Variants in MYO1E observed in about 807,000 individuals in gnomAD.
The protein encoded by MYO1E is unconventional myosin-Ie.
Under a neutral mutation model 151.1 loss-of-function variants are expected in MYO1E, and 68 were observed. The observed-to-expected ratio is 0.45, with a 90% CI of 0.37 to 0.55. The LOEUF is 0.55. MYO1E is among the 20% of genes least tolerant of loss of function. MYO1E has a pLI of 0.00. For synonymous variants in MYO1E, 601 were observed against 501.7 expected (o/e 1.20, Z -2.64); for missense variants, 1,363 against 1,389.3 (o/e 0.98, Z 0.30).
chr15:59,206,963 TG>T (rs771944358), intron 14 of MYO1E: 2 of 1,613,894 alleles, frequency 1.2e-6, no homozygotes, highest in Non-Finnish European at 1.7e-6. Flanking sequence ...GTGCCTGTTG[TG>T]CGGGCCAGCC....
chr15:59,247,712 G>A (rs1410360217), intron 4 of MYO1E, among the ~76,000 whole-genome samples: 2 of 152,142 alleles, frequency 1.3e-5, no homozygotes, highest in South Asian at 2.1e-4. Flanking sequence ...AATGCTCCAA[G>A]GCCACCACAA....
At chr15:59,234,237 GATGGATGGGTGC>G (rs56410803) in intron 5 of MYO1E, among the ~76,000 whole-genome samples, 5,462 of 141,586 alleles carry the variant, frequency 0.039, 134 homozygotes, top group African/African-American at 0.083. Flanking sequence ...TGGATGGATG[GATGGATGGGTGC>G]ATGGATGGAT....
chr15:59,217,513 T>C (rs1304811679), intron 10 of MYO1E, among the ~76,000 whole-genome samples: 1 of 80,706 alleles, frequency 1.2e-5, no homozygotes, highest in Non-Finnish European at 2.7e-5. Context: ...CCCTCAGTCG[T>C]TTTACCTTTT....
At chr15:59,205,222 G>C (rs1158788646) in intron 15 of MYO1E, among the ~76,000 whole-genome samples, 178 bp downstream of exon 15, 1 of 152,130 alleles carries the variant, frequency 6.6e-6, no homozygotes, top group East Asian at 1.9e-4. Flanking sequence ...CTATTGACAG[G>C]AGTGATCACA....
intron 16 of MYO1E, among the ~76,000 whole-genome samples, chr15:59,201,380 C>G (rs1190966252): frequency 6.6e-6 from 1 of 151,582 alleles, no homozygotes; most frequent in African/African-American, 2.4e-5. Context: ...AGGCCAGAGC[C>G]ACTACATCTG....
intron 4 of MYO1E, among the ~76,000 whole-genome samples, chr15:59,244,501 G>A (rs1445111972): frequency 1.3e-5 from 2 of 152,256 alleles, no homozygotes; most frequent in South Asian, 4.1e-4. Context: ...GGGGTCACAC[G>A]CCTTAGACAG....
Position 59,369,963 on chromosome 15 carries a change from TTTC to T in MYO1E, c.3+2532_3+2534del, listed in dbSNP as rs373650655. Among the ~76,000 whole-genome samples the T allele has an allele frequency of 7.1e-3, 1,076 of 151,604 alleles. 9 individuals are homozygous for T. Among genetic ancestry groups the T allele is most frequent in the African/African-American group, 0.022 (925 of 41,292 alleles). On this transcript the variant is annotated intron_variant, in intron 1 of 27. Coordinates refer to ENST00000288235, the MANE Select transcript of MYO1E (RefSeq NM_004998.4). ...CTATAGCCCAGCCAAGGGCCTTCTT[TTTC>T]TTCTTCTTCTTCTTAATATTTTTTA...
chr15:59,287,073 C>G (rs1032124682), intron 1 of MYO1E, among the ~76,000 whole-genome samples: 2 of 151,660 alleles, frequency 1.3e-5, no homozygotes, highest in African/African-American at 4.9e-5. Flanking sequence ...CACCACCTGA[C>G]AGAGGATGCA....
intron 1 of MYO1E, among the ~76,000 whole-genome samples, chr15:59,283,004 G>GGAAAGA (rs2080366469): frequency 7.8e-6 from 1 of 128,456 alleles, no homozygotes; most frequent in African/African-American, 2.9e-5. Context: ...AAAGGGAAAG[G>GGAAAGA]CCTGGGCAGC....
intron 14 of MYO1E, chr15:59,207,707 C>A: frequency 6.2e-7 from 1 of 1,614,154 alleles, no homozygotes; most frequent in Non-Finnish European, 8.5e-7. Flanking sequence ...GTGAACATAG[C>A]TGGTGTCCCT....
At chr15:59,176,062 T>TTGC in intron 19 of MYO1E, among the ~76,000 whole-genome samples, 1 of 151,954 alleles carries the variant, frequency 6.6e-6, no homozygotes, top group Admixed American at 6.6e-5. Flanking sequence ...TTTGTTGTTG[T>TTGC]TGTTGTTGTT....
At chr15:59,219,304 T>C (rs894896023) in intron 9 of MYO1E, among the ~76,000 whole-genome samples, 72 of 152,340 alleles carry the variant, frequency 4.7e-4, no homozygotes, top group African/African-American at 1.5e-3. Flanking sequence ...TGCTCAGATT[T>C]TTCCAATATG....
chr15:59,343,536 A>C (rs1355253430), intron 1 of MYO1E, among the ~76,000 whole-genome samples: 1 of 152,040 alleles, frequency 6.6e-6, no homozygotes, highest in African/African-American at 2.4e-5. Flanking sequence ...TCTTGTACTT[A>C]AACTTTGATA....
intron 26 of MYO1E, among the ~76,000 whole-genome samples, chr15:59,144,460 C>T (rs1408307665): frequency 6.6e-6 from 1 of 152,104 alleles, no homozygotes; most frequent in African/African-American, 2.4e-5. Flanking sequence ...AGCCAATGCG[C>T]CCGGCCTCTT....
In MYO1E at chr15:59,163,189, G is replaced by T. The variant is rs1300127405; in HGVS notation, c.2595C>A (p.Thr865=). Residue 865 remains threonine, a synonymous_variant, in exon 23 of 28, where the codon ACC becomes ACA. Transcript: ENST00000288235. ...TGAATTTCAGAGGTAGTTGCTTCTG[G>T]GTCTTCTCCTCGTAACGCTTTGCTA... ...SLLAKRYEEK[T]QKQLPLKFSN... is the part of the protein sequence containing the mutation. 6.2e-7 allele frequency: 1 copy of T among 1,614,044 alleles called. No individual in the cohort carries two copies. Among genetic ancestry groups the T allele is most frequent in the Non-Finnish European group, 8.5e-7 (1 of 1,180,008 alleles).
chr15:59,337,733 G>T (rs1201499346), intron 1 of MYO1E, among the ~76,000 whole-genome samples: 1 of 152,216 alleles, frequency 6.6e-6, no homozygotes, highest in East Asian at 1.9e-4. Context: ...TCGGGAGGCT[G>T]AGGCAGGAGA....
chr15:59,225,942 A>G (rs1357607923), intron 7 of MYO1E, among the ~76,000 whole-genome samples: 1 of 152,082 alleles, frequency 6.6e-6, no homozygotes, highest in Non-Finnish European at 1.5e-5. Context: ...CACCGCACCC[A>G]GCCAAGAATT....
At chr15:59,201,688 G>A (rs1485138568) in intron 16 of MYO1E, among the ~76,000 whole-genome samples, 1 of 152,198 alleles carries the variant, frequency 6.6e-6, no homozygotes, top group Non-Finnish European at 1.5e-5. Flanking sequence ...ACAGGCGTGA[G>A]CCACCGCACC....
At chr15:59,269,759 C>T (rs534793455) in intron 2 of MYO1E, among the ~76,000 whole-genome samples, 1 of 152,042 alleles carries the variant, frequency 6.6e-6, no homozygotes, top group South Asian at 2.1e-4. Flanking sequence ...ACTCGGGAGG[C>T]TGAGGAAGGA....
Sources: gnomAD v4.1 joint callset for allele counts (sites outside exome capture counted in the v4.1 genomes callset) on GRCh38, gnomAD v4.1.1 for gene constraint, MANE v1.5 for transcripts, NCBI Gene and HGNC (gene_info 2026-07-23, HGNC 2026-07-21) for gene names.